Variants in USP10 observed in about 807,000 individuals in gnomAD.
USP10 encodes the protein ubiquitin specific peptidase 10.
Under a neutral mutation model 84.5 loss-of-function variants are expected in USP10, and 22 were observed. The ratio of observed to expected loss-of-function variants is 0.26; its 90% CI spans 0.19 to 0.37. The LOEUF is 0.37. Among genes scored for constraint, USP10 ranks in the 10% least tolerant of loss-of-function variants. USP10 has a pLI of 1.00. For missense variants in USP10, 1,019 were observed against 998.9 expected, an observed-to-expected ratio of 1.02 and a Z score of -0.27; for synonymous variants, 454 against 387.6, an observed-to-expected ratio of 1.17 and a Z score of -2.01.
intron 10 of USP10, among the ~76,000 whole-genome samples, chr16:84,764,955 T>TA (rs59894880): frequency 9.7e-5 from 14 of 144,252 alleles, no homozygotes; most frequent in East Asian, 6.1e-4. Flanking sequence ...TATATATATA[T>TA]TAGACTTCAT....
chr16:84,703,962 G>A (rs1905188030), intron 1 of USP10, among the ~76,000 whole-genome samples: 1 of 152,200 alleles, frequency 6.6e-6, no homozygotes, highest in Admixed American at 6.5e-5. Context: ...CTGTTACGTG[G>A]AACTGATAGG....
chr16:84,734,978 A>G (rs897679527), intron 2 of USP10, among the ~76,000 whole-genome samples: 1 of 152,042 alleles, frequency 6.6e-6, no homozygotes, highest in African/African-American at 2.4e-5. Context: ...CCTATTGCTT[A>G]TCTCTGTATA....
chr16:84,759,178 A>G (rs534892221), intron 5 of USP10, 185 bp from the exon 6 acceptor site: 3 of 625,880 alleles, frequency 4.8e-6, no homozygotes, highest in Admixed American at 2.7e-5. Flanking sequence ...AGATCCTTAT[A>G]TGGACATCAC....
At chr16:84,712,335 A>T (rs1413013804) in intron 1 of USP10, among the ~76,000 whole-genome samples, 1 of 152,172 alleles carries the variant, frequency 6.6e-6, no homozygotes, top group Non-Finnish European at 1.5e-5. Flanking sequence ...GGCCAACACC[A>T]CATGGATGAG....
At chr16:84,717,407 T>C (rs1907174893) in intron 1 of USP10, among the ~76,000 whole-genome samples, 1 of 152,232 alleles carries the variant, frequency 6.6e-6, no homozygotes, top group African/African-American at 2.4e-5. Context: ...GGACATTCAG[T>C]ACACACTAGC....
At position 84,771,847 on chromosome 16, in the gene USP10, G is replaced by A. The variant is rs185635109; in HGVS notation, c.1999-694G>A. ...CGTACCACTGTACTCCAGCCTGGGC[G>A]ACAGAGTGAGAACTCCCTCCCCCCA... On this transcript the variant is annotated intron_variant, in intron 11 of 13. Coordinates refer to ENST00000219473, the MANE Select transcript of USP10 (RefSeq NM_005153.3). Among the ~76,000 whole-genome samples the A allele has an allele frequency of 1.1e-3, 171 of 152,236 alleles. 2 individuals are homozygous for A. Among genetic ancestry groups the A allele is most frequent in the African/African-American group, 3.8e-3 (158 of 41,546 alleles).
chr16:84,720,987 G>A (rs559411983), intron 1 of USP10, among the ~76,000 whole-genome samples: 44 of 150,446 alleles, frequency 2.9e-4, no homozygotes, highest in South Asian at 8.4e-4. Flanking sequence ...TCCGCCTGCC[G>A]TATTCAAGCT....
chr16:84,727,766 GC>G (rs1382517835), intron 1 of USP10, among the ~76,000 whole-genome samples: 2 of 152,184 alleles, frequency 1.3e-5, no homozygotes, highest in African/African-American at 4.8e-5. Flanking sequence ...ATACACTGTA[GC>G]CACTTAATCC....
intron 1 of USP10, among the ~76,000 whole-genome samples, chr16:84,702,302 C>T (rs1177809844): frequency 6.6e-6 from 1 of 151,946 alleles, no homozygotes; most frequent in Non-Finnish European, 1.5e-5. Context: ...GGTGATCCAC[C>T]CGCCTCGGCC....
intron 1 of USP10, among the ~76,000 whole-genome samples, chr16:84,728,152 A>G (rs374177225): frequency 2.0e-4 from 31 of 152,366 alleles, no homozygotes; most frequent in African/African-American, 7.2e-4. Flanking sequence ...GGAGAAGGAG[A>G]TGGTGAAACC....
rs1340006601 is a variant in USP10 at position 84,750,417 on chromosome 16, A to AAC, written c.1192+4745_1192+4746insCA. ...GTGAGACTGTCTCAAAAAAAAAAAA[A>AAC]AAAACCCAAAACTTAATAGCTTGTG... On this transcript the variant is annotated intron_variant, in intron 4 of 13. Transcript: ENST00000219473. Among the ~76,000 whole-genome samples the AAC allele has an allele frequency of 3.5e-3, 538 of 151,924 alleles. 5 individuals are homozygous for AAC. The highest frequency in any genetic ancestry group is 0.013 in the African/African-American group (519 of 41,416).
chr16:84,763,721 A>G lies in USP10; in HGVS notation c.1655-365A>G, dbSNP rs541657504. 1.5e-4 allele frequency among the ~76,000 whole-genome samples: 23 copies of G among 150,612 alleles called. No individual in the cohort carries two copies. In the East Asian group the frequency reaches 2.2e-3, roughly 14 times the overall value. ...TTGCCGTGGATCAAGTGGCATTGCA[A>G]TGGGTTGCAGTGGATCCAGTGGCAT... On this transcript the variant is annotated intron_variant, in intron 9 of 13. Transcript: ENST00000219473.
intron 1 of USP10, among the ~76,000 whole-genome samples, chr16:84,728,303 T>A (rs536350311): frequency 7.6e-4 from 115 of 152,300 alleles, no homozygotes; most frequent in Admixed American, 1.3e-3. Context: ...ATAAATATAT[T>A]GAATAAATTG....
intron 1 of USP10, among the ~76,000 whole-genome samples, chr16:84,713,171 A>G (rs1906531490): frequency 6.6e-6 from 1 of 152,156 alleles, no homozygotes; most frequent in Non-Finnish European, 1.5e-5. Context: ...TAGATATCTC[A>G]GCCAATGCCA....
intron 11 of USP10, among the ~76,000 whole-genome samples, chr16:84,770,442 T>C (rs1168237329): frequency 6.6e-6 from 1 of 152,178 alleles, no homozygotes; most frequent in Non-Finnish European, 1.5e-5. Context: ...ATATTTGCTA[T>C]ATAGAAAATG....
At chr16:84,709,073 C>G (rs1417549286) in intron 1 of USP10, 3 of 152,204 alleles carry the variant, frequency 2.0e-5, no homozygotes, top group Admixed American at 1.3e-4. Context: ...CAAATAGTTA[C>G]CGAGTGGCTG....
chr16:84,777,517 A>T (rs1274546683), intron 13 of USP10, among the ~76,000 whole-genome samples: 1 of 152,160 alleles, frequency 6.6e-6, no homozygotes, highest in Non-Finnish European at 1.5e-5. Flanking sequence ...CACAGGATGA[A>T]GCTATGCCCT....
At chr16:84,775,348 C>T in intron 13 of USP10, 123 bp downstream of exon 13, 2 of 951,684 alleles carry the variant, frequency 2.1e-6, no homozygotes, top group South Asian at 2.7e-5. Context: ...TCCCTGTGGC[C>T]TTGTGAGTCG....
chr16:84,735,196 G>GATATGTGTGTGTGT (rs1555541026), intron 2 of USP10, among the ~76,000 whole-genome samples: 5 of 146,380 alleles, frequency 3.4e-5, no homozygotes, highest in African/African-American at 1.3e-4. Context: ...AGGCCCGGGT[G>GATATGTGTGTGTGT]GTGTGTGTGT....
Sources: allele counts gnomAD v4.1 joint callset (sites outside exome capture counted in the v4.1 genomes callset), GRCh38; gene constraint gnomAD v4.1.1; transcripts MANE v1.5; gene names NCBI Gene and HGNC (gene_info 2026-07-23, HGNC 2026-07-21).